Variants in ZNF248 observed in about 807,000 individuals in gnomAD.
ZNF248 encodes the protein zinc finger protein 248, also known as KRAB protein domain.
ZNF248 carries 20 observed loss-of-function variants against 44.3 expected under a neutral mutation model. The ratio of observed to expected loss-of-function variants is 0.45; its 90% CI spans 0.32 to 0.66. The LOEUF (loss-of-function observed/expected upper bound fraction) is 0.66. Among genes scored for constraint, ZNF248 ranks in the 30% least tolerant of loss-of-function variants. The probability of loss-of-function intolerance (pLI) is 0.04; values close to 1 mark genes in which losing one functional copy is unlikely to be tolerated. For missense variants in ZNF248, 654 were observed against 677.0 expected (o/e 0.97, Z 0.38); for synonymous variants, 224 against 229.0 (o/e 0.98, Z 0.20).
In ZNF248 at chr10:37,832,253, T is replaced by C. The variant is rs751578522; in HGVS notation, c.1102A>G (p.Thr368Ala). ...GSNFSKKSHL[T>A]QLRRAHTGEK... ...CCTGTGTGAGCTCTCCGAAGCTGGG[T>C]AAGATGTGACTTCTTGCTGAAATTA... Residue 368 changes from threonine to alanine, a missense_variant, in exon 6 of 6, where the codon ACC (threonine) becomes GCC (alanine). Coordinates refer to ENST00000395867, the MANE Select transcript of ZNF248 (RefSeq NM_021045.3). The C allele has an allele frequency of 5.0e-6, 8 of 1,613,954 alleles. No homozygotes were observed. In the African/African-American group the frequency reaches 8.0e-5, roughly 16 times the overall value.
intron 3 of ZNF248, among the ~76,000 whole-genome samples, chr10:37,838,326 A>C (rs1019039233): frequency 6.6e-6 from 1 of 152,226 alleles, no homozygotes; most frequent in Non-Finnish European, 1.5e-5. Flanking sequence ...TGGTGAAAAC[A>C]GACAAACATG....
At chr10:37,811,714 C>T (rs2051542685) in intron 6 of ZNF248, among the ~76,000 whole-genome samples, 1 of 150,524 alleles carries the variant, frequency 6.6e-6, no homozygotes, top group Non-Finnish European at 1.5e-5. Context: ...GGTGTGGTGG[C>T]ATGCCCCTGT....
At chr10:37,835,345 G>C (rs1157794058) in intron 5 of ZNF248, among the ~76,000 whole-genome samples, 2 of 152,198 alleles carry the variant, frequency 1.3e-5, no homozygotes, top group South Asian at 2.1e-4. Flanking sequence ...TGATGCCATG[G>C]TTGCCATTCA....
In ZNF248 at chr10:37,832,378, T is replaced by C. The variant is rs1306470045; in HGVS notation, c.977A>G (p.Glu326Gly). ...CCAGGTTTTGTCACTCACTTTATAT[T>C]CACGGAGAATCTTTCTTGTGTAAGC... is the stretch of plus-strand genomic sequence containing the variant. ...QGAYTRKILR[E>G]YKVSDKTWEK... The change falls in exon 6 of 6, where the codon GAA (glutamate) becomes GGA (glycine). Residue 326 changes from glutamate to glycine, a missense_variant. Coordinates refer to ENST00000395867, the MANE Select transcript of ZNF248 (RefSeq NM_021045.3). 9 of 1,613,954 alleles carry C rather than the reference T, an allele frequency of 5.6e-6. No homozygotes were observed. Among genetic ancestry groups the C allele is most frequent in the Non-Finnish European group, 7.6e-6 (9 of 1,179,950 alleles).
chr10:37,837,789 A>C lies in ZNF248; in HGVS notation c.143-77T>G. 3 of 1,420,706 alleles carry C rather than the reference A, an allele frequency of 2.1e-6. No individual in the cohort carries two copies. The East Asian group carries it at 6.9e-5, about 33-fold the overall frequency. 88.0% of individuals were successfully genotyped at this position (1,420,706 alleles called of 1,614,324 possible). A position where few individuals can be genotyped will look rare whatever the true frequency, so the allele number is the denominator to read the frequency against. ...GCTCTGAATACATCATGGGGAAGAA[A>C]GGCACAGCTTCACCAGCTACTCAAA... On this transcript the variant is annotated intron_variant, in intron 4 of 5. Transcript: ENST00000395867.
At chr10:37,770,691 C>A in the ZNF248 span, among the ~76,000 whole-genome samples, 7 of 152,302 alleles carry the variant, frequency 4.6e-5, no homozygotes, top group Admixed American at 4.6e-4. Flanking sequence ...CTAGGCAATA[C>A]CATTCAGGAC....
chr10:37,799,958 A>G (rs1298039533), intron 6 of ZNF248, among the ~76,000 whole-genome samples: 1 of 152,124 alleles, frequency 6.6e-6, no homozygotes, highest in Non-Finnish European at 1.5e-5. Flanking sequence ...TTGTTTTCCC[A>G]GCACTTTGGG....
At chr10:37,788,394 G>A (rs1056949946) in intron 6 of ZNF248, among the ~76,000 whole-genome samples, 57 of 152,148 alleles carry the variant, frequency 3.7e-4, no homozygotes, top group Non-Finnish European at 1.3e-4. Flanking sequence ...GCTGAGGCAG[G>A]TGGATCACCT....
chr10:37,795,539 T>TAA, intron 6 of ZNF248: 1 of 152,308 alleles, frequency 6.6e-6, no homozygotes, highest in South Asian at 2.1e-4. Context: ...GTCTGCCTTA[T>TAA]AAAAGTCTTT....
chr10:37,769,448 G>A, the ZNF248 span, among the ~76,000 whole-genome samples: 3 of 152,144 alleles, frequency 2.0e-5, no homozygotes, highest in African/African-American at 7.2e-5. Context: ...TTCATCCCTG[G>A]AATGCAAGGC....
intron 6 of ZNF248, among the ~76,000 whole-genome samples, chr10:37,813,357 G>A (rs2051869141): frequency 1.3e-5 from 2 of 152,084 alleles, no homozygotes; most frequent in Admixed American, 1.3e-4. Flanking sequence ...TACCTTTTTA[G>A]AAAAGCAAAA....
At chr10:37,808,648 A>G (rs1019290592) in intron 6 of ZNF248, among the ~76,000 whole-genome samples, 2 of 152,144 alleles carry the variant, frequency 1.3e-5, no homozygotes, top group Non-Finnish European at 2.9e-5. Flanking sequence ...AGATTGTTGC[A>G]TTAGGGTTCA....
intron 6 of ZNF248, among the ~76,000 whole-genome samples, chr10:37,810,711 C>T (rs1410235814): frequency 6.6e-6 from 1 of 152,088 alleles, no homozygotes; most frequent in South Asian, 2.1e-4. Flanking sequence ...TAGAAATACA[C>T]AAATTTCCTA....
At chr10:37,766,910 A>T in the ZNF248 span, among the ~76,000 whole-genome samples, 1 of 152,216 alleles carries the variant, frequency 6.6e-6, no homozygotes, top group Non-Finnish European at 1.5e-5. Flanking sequence ...TAGAATAACC[A>T]ACACAGAGAA....
At chr10:37,766,296 G>A in the ZNF248 span, among the ~76,000 whole-genome samples, 7 of 152,210 alleles carry the variant, frequency 4.6e-5, no homozygotes, top group South Asian at 2.1e-4. Context: ...ATCTGAGAAC[G>A]GGCAGACTGC....
chr10:37,856,746 A>G, intron 1 of ZNF248: 1 of 986,292 alleles, frequency 1.0e-6, no homozygotes, highest in Non-Finnish European at 1.2e-6. Flanking sequence ...TGTTAAATGC[A>G]AGTTTAAAAA....
chr10:37,806,375 AT>A (rs1461388175), intron 6 of ZNF248, among the ~76,000 whole-genome samples: 2 of 152,020 alleles, frequency 1.3e-5, no homozygotes, highest in African/African-American at 4.8e-5. Flanking sequence ...TACACTTGAT[AT>A]TTTTTCTTTC....
intron 5 of ZNF248, among the ~76,000 whole-genome samples, chr10:37,834,912 A>T (rs2056793420): frequency 6.6e-6 from 1 of 152,214 alleles, no homozygotes; most frequent in African/African-American, 2.4e-5. Context: ...AAACAAAGAA[A>T]TTTAAGACAG....
rs1310126581 is a variant in ZNF248, at chr10:37,831,169, T to C, written c.*446A>G. 20 of 1,524,618 alleles carry C rather than the reference T, an allele frequency of 1.3e-5. No homozygotes were observed. Among genetic ancestry groups the C allele is most frequent in the Non-Finnish European group, 1.7e-5 (19 of 1,134,076 alleles). 94.4% of individuals were successfully genotyped at this position (1,524,618 alleles called of 1,614,324 possible). On this transcript the variant is annotated 3_prime_UTR_variant, in exon 6 of 6. Coordinates refer to ENST00000395867, the MANE Select transcript of ZNF248 (RefSeq NM_021045.3). Reference sequence around the variant, plus strand: ...ATTAAGGGTACGTATCTTCTCCTTATGATCATGTTGAGTTCCAATATACAA... The same window carrying C: ...ATTAAGGGTACGTATCTTCTCCTTACGATCATGTTGAGTTCCAATATACAA...
Sources: gnomAD v4.1 joint callset for allele counts (sites outside exome capture counted in the v4.1 genomes callset) on GRCh38, gnomAD v4.1.1 for gene constraint, MANE v1.5 for transcripts, NCBI Gene and HGNC (gene_info 2026-07-23, HGNC 2026-07-21) for gene names.